CSMD1: variants seen among roughly 807,000 people sequenced by gnomAD.
The protein encoded by CSMD1 is CUB and sushi domain-containing protein 1.
In CSMD1, 213 loss-of-function variants were observed where a neutral mutation model predicts 417.5. The ratio of observed to expected loss-of-function variants is 0.51; its 90% CI spans 0.46 to 0.57. The LOEUF is 0.57. Among genes scored for constraint, CSMD1 ranks in the 20% least tolerant of loss-of-function variants. The pLI is 0.00. For missense variants in CSMD1, 6,923 were observed against 4,529.7 expected, an observed-to-expected ratio of 1.53 and a Z score of -15.17; for synonymous variants, 2,862 against 1,736.8, an observed-to-expected ratio of 1.65 and a Z score of -16.11.
intron 2 of CSMD1, among the ~76,000 whole-genome samples, chr8:4,635,133 T>C (rs1585367600): frequency 6.6e-6 from 1 of 152,176 alleles, no homozygotes; most frequent in South Asian, 2.1e-4. Context: ...GAGTGATTCA[T>C]ATGAACCTAA....
chr8:4,737,088 T>C (rs112586356), intron 1 of CSMD1, among the ~76,000 whole-genome samples: 3 of 152,142 alleles, frequency 2.0e-5, no homozygotes, highest in Admixed American at 2.0e-4. Context: ...TCAACCTACA[T>C]GCCCATCAAT....
chr8:2,996,397 G>C (rs2128952021), intron 54 of CSMD1, among the ~76,000 whole-genome samples: 1 of 152,296 alleles, frequency 6.6e-6, no homozygotes, highest in South Asian at 2.1e-4. Context: ...TCCAATGTTA[G>C]ATTTTCACTG....
At chr8:4,031,562 G>C (rs80130644) in intron 4 of CSMD1, among the ~76,000 whole-genome samples, 1,746 of 152,186 alleles carry the variant, frequency 0.011, 30 homozygotes, top group African/African-American at 0.037. Flanking sequence ...ATGAGGTTTG[G>C]GTGAGGACAG....
chr8:3,505,686 G>A (rs989158253), intron 10 of CSMD1, among the ~76,000 whole-genome samples: 2 of 152,230 alleles, frequency 1.3e-5, no homozygotes, highest in South Asian at 2.1e-4. Flanking sequence ...AACCGTAGAG[G>A]TACTGGACCA....
chr8:3,160,099 C>T (rs999242728), intron 38 of CSMD1, among the ~76,000 whole-genome samples: 1 of 152,002 alleles, frequency 6.6e-6, no homozygotes, highest in South Asian at 2.1e-4. Flanking sequence ...TAAATGAGAT[C>T]CTTGAGATAT....
At chr8:4,062,082 G>A (rs1410277952) in intron 3 of CSMD1, among the ~76,000 whole-genome samples, 1 of 152,092 alleles carries the variant, frequency 6.6e-6, no homozygotes, top group Non-Finnish European at 1.5e-5. Context: ...GGTGCCAGGA[G>A]AATGGCAAAG....
intron 62 of CSMD1, among the ~76,000 whole-genome samples, chr8:2,958,983 T>G (rs1803242301): frequency 6.6e-6 from 1 of 152,180 alleles, no homozygotes; most frequent in African/African-American, 2.4e-5. Context: ...CTTGATAAAG[T>G]GGAAGTATGA....
chr8:3,700,499 G>T (rs988394817), intron 7 of CSMD1: 1 of 152,224 alleles, frequency 6.6e-6, no homozygotes, highest in South Asian at 2.1e-4. Context: ...CAAGTCAACA[G>T]CCATACCACC....
At chr8:3,806,815 C>G (rs976628388) in intron 5 of CSMD1, among the ~76,000 whole-genome samples, 9 of 152,278 alleles carry the variant, frequency 5.9e-5, no homozygotes, top group Admixed American at 4.6e-4. Context: ...TAGTTCAGAA[C>G]TACCTTTTCT....
intron 3 of CSMD1, among the ~76,000 whole-genome samples, chr8:4,145,581 G>A (rs549111304): frequency 3.3e-5 from 5 of 150,888 alleles, no homozygotes; most frequent in Non-Finnish European, 7.4e-5. Flanking sequence ...TGGAGAGACG[G>A]TCTCACCATG....
chr8:2,985,934 G>C (rs1359191396), intron 54 of CSMD1, among the ~76,000 whole-genome samples: 1 of 143,476 alleles, frequency 7.0e-6, no homozygotes, highest in African/African-American at 2.7e-5. Flanking sequence ...GGGGAGGGGA[G>C]GGAAGGGAAG....
chr8:4,447,901 A>T (rs1208352989), intron 2 of CSMD1, among the ~76,000 whole-genome samples: 1 of 152,176 alleles, frequency 6.6e-6, no homozygotes, highest in Non-Finnish European at 1.5e-5. Flanking sequence ...TTGTTCGATT[A>T]CTCATCTTTC....
At chr8:3,228,028 A>G (rs576879828) in intron 27 of CSMD1, among the ~76,000 whole-genome samples, 148 of 152,286 alleles carry the variant, frequency 9.7e-4, no homozygotes, top group African/African-American at 3.4e-3. Context: ...TTGGCCTCCT[A>G]AAGTGCTGGG....
intron 2 of CSMD1, among the ~76,000 whole-genome samples, chr8:4,462,500 A>G (rs1453110864): frequency 1.3e-5 from 2 of 152,148 alleles, no homozygotes; most frequent in Non-Finnish European, 2.9e-5. Flanking sequence ...CTGATCCTAA[A>G]ATGCATATGG....
intron 6 of CSMD1, among the ~76,000 whole-genome samples, chr8:3,721,086 G>T (rs1160319356): frequency 1.3e-5 from 2 of 152,216 alleles, no homozygotes; most frequent in East Asian, 3.9e-4. Context: ...GCCTCCCAAA[G>T]TGCTGGGATT....
chr8:3,307,483 A>T (rs951134755), intron 25 of CSMD1, among the ~76,000 whole-genome samples: 1 of 152,178 alleles, frequency 6.6e-6, no homozygotes, highest in Non-Finnish European at 1.5e-5. Context: ...ATACACTCTC[A>T]TTTTGGCTTT....
chr8:4,488,393 C>T (rs1169545124), intron 2 of CSMD1, among the ~76,000 whole-genome samples: 3 of 151,964 alleles, frequency 2.0e-5, no homozygotes, highest in Admixed American at 6.6e-5. Context: ...TCACAATAAC[C>T]TGTGGGGGGC....
rs149646358 is a variant in CSMD1 at position 3,523,381 on chromosome 8, G to C, written c.1345-29655C>G. Among the ~76,000 whole-genome samples the C allele has an allele frequency of 5.4e-4, 82 of 152,298 alleles. 1 individual carries two copies. The highest frequency in any genetic ancestry group is 1.9e-3 in the African/African-American group (81 of 41,550). Reference sequence around the variant, plus strand: ...AGATTACGTGAGATGGAACTTTGAGGGACAAAGAAAGCTCTCAATGAGAGA... The same window carrying C: ...AGATTACGTGAGATGGAACTTTGAGCGACAAAGAAAGCTCTCAATGAGAGA... On this transcript the variant is annotated intron_variant, in intron 10 of 69. Transcript: ENST00000635120.
At chr8:3,357,400 A>T (rs563274363) in intron 21 of CSMD1, among the ~76,000 whole-genome samples, 35 of 152,324 alleles carry the variant, frequency 2.3e-4, no homozygotes, top group African/African-American at 8.4e-4. Flanking sequence ...TACTTCGTAG[A>T]ATTGTCATGG....
Sources: gnomAD v4.1 joint callset for allele counts (sites outside exome capture counted in the v4.1 genomes callset) on GRCh38, gnomAD v4.1.1 for gene constraint, MANE v1.5 for transcripts, NCBI Gene and HGNC (gene_info 2026-07-23, HGNC 2026-07-21) for gene names.